Variants in IL1RAPL1 observed in about 807,000 individuals in gnomAD.
IL1RAPL1 encodes interleukin-1 receptor accessory protein-like 1.
Under a neutral mutation model 48.4 loss-of-function variants are expected in IL1RAPL1, and 3 were observed. The ratio of observed to expected loss-of-function variants is 0.06; its 90% CI spans 0.03 to 0.16. IL1RAPL1 has a LOEUF of 0.16. Among genes scored for constraint, IL1RAPL1 ranks in the 10% least tolerant of loss-of-function variants. The pLI, the probability that IL1RAPL1 is intolerant of heterozygous loss-of-function variation, is 1.00. For synonymous variants in IL1RAPL1, 185 were observed against 187.7 expected (o/e 0.99, Z 0.12); for missense variants, 349 against 530.6 (o/e 0.66, Z 3.36).
chrX:28,936,487 G>C (rs960744802), intron 2 of IL1RAPL1, among the ~76,000 whole-genome samples: 1 of 110,550 alleles, frequency 9.0e-6, no homozygotes, highest in Non-Finnish European at 1.9e-5. Context: ...TCCAGCCTGG[G>C]CAACAAAGTG....
chrX:29,137,678 C>A (rs12116159), intron 2 of IL1RAPL1, among the ~76,000 whole-genome samples: 22,741 of 111,429 alleles, frequency 0.2, 1,966 homozygotes, highest in African/African-American at 0.33. Flanking sequence ...ATGTCTATTT[C>A]ACTTGATGAA....
chrX:28,772,483 A>G (rs1481013895), intron 1 of IL1RAPL1, among the ~76,000 whole-genome samples: 2 of 111,695 alleles, frequency 1.8e-5, no homozygotes, highest in Non-Finnish European at 3.8e-5. Flanking sequence ...TGAAGTTAAC[A>G]TGGAGGGAGT....
intron 2 of IL1RAPL1, among the ~76,000 whole-genome samples, chrX:29,167,805 C>T (rs1351456902): frequency 1.8e-5 from 2 of 110,049 alleles, no homozygotes; most frequent in Admixed American, 9.9e-5. Flanking sequence ...ATGAAATAGA[C>T]CAATAAATCG....
At chrX:28,760,617 G>A (rs776252719) in intron 1 of IL1RAPL1, among the ~76,000 whole-genome samples, 28 of 111,406 alleles carry the variant, frequency 2.5e-4, no homozygotes, top group African/African-American at 8.2e-4. Context: ...ATACCATAAC[G>A]TGTAAAAGTA....
At chrX:28,835,871 T>C (rs1265566300) in intron 2 of IL1RAPL1, among the ~76,000 whole-genome samples, 1 of 111,201 alleles carries the variant, frequency 9.0e-6, no homozygotes, top group Non-Finnish European at 1.9e-5. Context: ...TGCCTCCCTA[T>C]TTGTTGTTTC....
At chrX:29,309,800 C>CT (rs1282964958) in intron 3 of IL1RAPL1, among the ~76,000 whole-genome samples, 4 of 103,319 alleles carry the variant, frequency 3.9e-5, no homozygotes, top group African/African-American at 1.4e-4. Flanking sequence ...GAGACACTGT[C>CT]TAAAAAAAAA....
chrX:29,206,417 T>G (rs1459884524), intron 2 of IL1RAPL1, among the ~76,000 whole-genome samples: 1 of 111,587 alleles, frequency 9.0e-6, no homozygotes, highest in Non-Finnish European at 1.9e-5. Flanking sequence ...CTGGCTTATT[T>G]ATTAATAGAG....
rs781571564 is a variant in IL1RAPL1 at position 29,802,805 on chromosome X, ATATATG to A, written c.779-114657_779-114652del. Among the ~76,000 whole-genome samples, 286 of 58,475 alleles carry A rather than the reference ATATATG, an allele frequency of 4.9e-3. 14 individuals are homozygous for A. The highest frequency in any genetic ancestry group is 0.02 in the African/African-American group (195 of 9,601). 50.8% of individuals were successfully genotyped at this position (58,475 alleles called of 115,157 possible). Reference sequence around the variant, plus strand: ...TATGTGTGTGTGTATATATATATATATATATGTGTGTATATATATGTATACATATAT... The same window carrying A: ...TATGTGTGTGTGTATATATATATATATGTGTATATATATGTATACATATAT... On this transcript the variant is annotated intron_variant, in intron 6 of 10. Transcript: ENST00000378993.
chrX:28,781,924 A>G (rs1262654535), intron 1 of IL1RAPL1, among the ~76,000 whole-genome samples: 1 of 111,958 alleles, frequency 8.9e-6, no homozygotes, highest in Non-Finnish European at 1.9e-5. Context: ...TTTGATTACT[A>G]TTTTCCTTTC....
chrX:29,705,926 G>C (rs923180877), intron 6 of IL1RAPL1, among the ~76,000 whole-genome samples: 2 of 112,371 alleles, frequency 1.8e-5, no homozygotes, highest in Non-Finnish European at 3.8e-5. Context: ...TGCTGACAAA[G>C]ACGTACCCTA....
At chrX:28,984,866 C>A (rs930838196) in intron 2 of IL1RAPL1, among the ~76,000 whole-genome samples, 3 of 111,780 alleles carry the variant, frequency 2.7e-5, no homozygotes, top group African/African-American at 9.8e-5. Flanking sequence ...AAGATTATTT[C>A]TAATACGAAT....
At chrX:29,617,855 T>C (rs1363043506) in intron 5 of IL1RAPL1, among the ~76,000 whole-genome samples, 1 of 112,012 alleles carries the variant, frequency 8.9e-6, no homozygotes, top group African/African-American at 3.2e-5. Flanking sequence ...CCCTTGCCTA[T>C]TTTACTGCTT....
At chrX:29,556,083 A>AGGGACATG (rs1389473289) in intron 5 of IL1RAPL1, among the ~76,000 whole-genome samples, 5 of 110,637 alleles carry the variant, frequency 4.5e-5, no homozygotes, top group Admixed American at 3.9e-4. Context: ...CATGTCATCT[A>AGGGACATG]CCTCCCTCGT....
chrX:28,902,712 C>T (rs941336430), intron 2 of IL1RAPL1, among the ~76,000 whole-genome samples: 4 of 111,742 alleles, frequency 3.6e-5, no homozygotes, highest in Non-Finnish European at 3.8e-5. Context: ...GGTCCCCAAA[C>T]GTCGGGCCAC....
At chrX:29,864,417 A>T (rs1305902380) in intron 6 of IL1RAPL1, among the ~76,000 whole-genome samples, 1 of 112,020 alleles carries the variant, frequency 8.9e-6, no homozygotes, top group Admixed American at 9.5e-5. Flanking sequence ...TCGGAGCTAC[A>T]AACAGAGGTT....
intron 1 of IL1RAPL1, among the ~76,000 whole-genome samples, chrX:28,754,375 A>G (rs1936083754): frequency 1.8e-5 from 2 of 112,211 alleles, no homozygotes; most frequent in South Asian, 7.3e-4. Flanking sequence ...CTCCTTTACC[A>G]TCTGAAATCT....
At chrX:28,732,228 G>A (rs1384619200) in intron 1 of IL1RAPL1, among the ~76,000 whole-genome samples, 3 of 112,382 alleles carry the variant, frequency 2.7e-5, no homozygotes, top group South Asian at 3.7e-4. Context: ...GTTAAATTAA[G>A]TAGTCATGTG....
At chrX:29,048,808 A>G (rs746984970) in intron 2 of IL1RAPL1, among the ~76,000 whole-genome samples, 3 of 112,319 alleles carry the variant, frequency 2.7e-5, no homozygotes, top group African/African-American at 9.7e-5. Context: ...GTAAGATGCT[A>G]TTAATTTCAA....
At chrX:29,067,659 A>G (rs1187266381) in intron 2 of IL1RAPL1, among the ~76,000 whole-genome samples, 1 of 111,809 alleles carries the variant, frequency 8.9e-6, no homozygotes, top group South Asian at 3.7e-4. Flanking sequence ...GACTGCTTGT[A>G]TTTTAATCCT....
Sources: allele counts gnomAD v4.1 joint callset (sites outside exome capture counted in the v4.1 genomes callset), GRCh38; gene constraint gnomAD v4.1.1; transcripts MANE v1.5; gene names NCBI Gene and HGNC (gene_info 2026-07-23, HGNC 2026-07-21).